Variants in FTCDNL1 observed in about 807,000 individuals in gnomAD.
The protein encoded by FTCDNL1 is formiminotransferase cyclodeaminase N-terminal like.
A neutral mutation model predicts 5.9 loss-of-function variants in FTCDNL1; 11 were observed. The observed-to-expected ratio is 1.87, with a 90% CI of 1.18 to 3.10. FTCDNL1 has a LOEUF of 3.10. Among genes scored for constraint, FTCDNL1 ranks in the 30% most tolerant of loss-of-function variants. The pLI, the probability that FTCDNL1 is intolerant of heterozygous loss-of-function variation, is 0.00. For missense variants in FTCDNL1, 115 were observed against 65.5 expected (o/e 1.76, Z -2.61); for synonymous variants, 58 against 24.8 (o/e 2.34, Z -3.99).
At chr2:199,712,658 G>C in the FTCDNL1 span, among the ~76,000 whole-genome samples, 22 of 152,254 alleles carry the variant, frequency 1.4e-4, no homozygotes, top group African/African-American at 3.4e-4. Context: ...GGGGCAAGAG[G>C]GCCCTGCTCT....
the FTCDNL1 span, among the ~76,000 whole-genome samples, chr2:199,670,138 G>A: frequency 3.3e-3 from 503 of 152,170 alleles, 5 homozygotes; most frequent in African/African-American, 0.011. Context: ...CCTTTTTTGA[G>A]ACATCAATCC....
intron 3 of FTCDNL1, among the ~76,000 whole-genome samples, chr2:199,779,728 G>A (rs553247678): frequency 2.0e-5 from 3 of 152,312 alleles, no homozygotes; most frequent in African/African-American, 7.2e-5. Flanking sequence ...TGTACCCCAG[G>A]TAGGGGCAGG....
chr2:199,769,585 G>A (rs1367985260), intron 3 of FTCDNL1, among the ~76,000 whole-genome samples: 3 of 152,184 alleles, frequency 2.0e-5, no homozygotes. Context: ...ACTAATACAA[G>A]GAGAGGGAAG....
the FTCDNL1 span, among the ~76,000 whole-genome samples, chr2:199,699,209 A>G: frequency 3.9e-5 from 6 of 152,156 alleles, no homozygotes; most frequent in Non-Finnish European, 8.8e-5. Flanking sequence ...GCTCACACCT[A>G]TAATCCCAAA....
the FTCDNL1 span, among the ~76,000 whole-genome samples, chr2:199,710,181 T>A: frequency 3.3e-5 from 5 of 152,202 alleles, no homozygotes; most frequent in Non-Finnish European, 5.9e-5. Context: ...TTTCACAATC[T>A]ACTTAGTGCC....
the FTCDNL1 span, among the ~76,000 whole-genome samples, chr2:199,733,683 T>G: frequency 6.6e-6 from 1 of 152,218 alleles, no homozygotes; most frequent in Non-Finnish European, 1.5e-5. Context: ...AAGTTCTTCC[T>G]GCTCCGTATG....
At chr2:199,765,556 A>ATATATATATATATATTTTTTTTTTT in intron 3 of FTCDNL1, among the ~76,000 whole-genome samples, 2 of 42,654 alleles carry the variant, frequency 4.7e-5, no homozygotes, top group Non-Finnish European at 9.6e-5. Flanking sequence ...ATATATATAT[A>ATATATATATATATATTTTTTTTTTT]TTTTTTTTTT....
At chr2:199,739,399 G>A in the FTCDNL1 span, among the ~76,000 whole-genome samples, 1 of 152,190 alleles carries the variant, frequency 6.6e-6, no homozygotes, top group Non-Finnish European at 1.5e-5. Context: ...GTAAAACTTA[G>A]AGTATATTGG....
the FTCDNL1 span, among the ~76,000 whole-genome samples, chr2:199,733,620 A>G: frequency 6.6e-6 from 1 of 152,208 alleles, no homozygotes. Context: ...ATGGAATTAG[A>G]AACCATCAAT....
At chr2:199,768,179 A>T (rs965334395) in intron 3 of FTCDNL1, among the ~76,000 whole-genome samples, 2 of 152,252 alleles carry the variant, frequency 1.3e-5, no homozygotes, top group African/African-American at 4.8e-5. Flanking sequence ...TACTGATTCC[A>T]AAATATATTC....
At chr2:199,844,281 T>TC in intron 3 of FTCDNL1, 1 of 422,888 alleles carries the variant, frequency 2.4e-6, no homozygotes, top group Non-Finnish European at 4.2e-6. Flanking sequence ...GATCAACTTT[T>TC]CCCGGGGGCT....
the FTCDNL1 span, among the ~76,000 whole-genome samples, chr2:199,738,555 AG>A: frequency 5.3e-5 from 8 of 152,306 alleles, no homozygotes; most frequent in African/African-American, 1.9e-4. Flanking sequence ...GCAAACCTTA[AG>A]GGTCTTTTTC....
intron 3 of FTCDNL1, among the ~76,000 whole-genome samples, chr2:199,773,417 A>G (rs1272239172): frequency 6.6e-6 from 1 of 152,104 alleles, no homozygotes; most frequent in Non-Finnish European, 1.5e-5. Context: ...ATCCAGAAGT[A>G]CTCACAAGTG....
chr2:199,849,035 A>C, intron 1 of FTCDNL1, 66 bp from the exon 2 acceptor site: 7 of 658,836 alleles, frequency 1.1e-5, no homozygotes, highest in Non-Finnish European at 1.6e-5. Context: ...TTTAACTATA[A>C]AAAAATCATA....
chr2:199,671,167 C>CAAAAAA, the FTCDNL1 span, among the ~76,000 whole-genome samples: 1 of 136,158 alleles, frequency 7.3e-6, no homozygotes, highest in African/African-American at 2.9e-5. Flanking sequence ...AAATCCATGG[C>CAAAAAA]AAAAAAAAAA....
At chr2:199,734,001 A>G in the FTCDNL1 span, among the ~76,000 whole-genome samples, 175 of 152,110 alleles carry the variant, frequency 1.2e-3, 1 homozygote, top group African/African-American at 4.1e-3. Flanking sequence ...ATTGGGAAGT[A>G]TGCTTCAAAC....
rs1191103187 is a variant in FTCDNL1, at chr2:199,811,729, C to A, written c.*976G>T. Among the ~76,000 whole-genome samples the A allele has an allele frequency of 6.6e-6, 1 of 152,212 alleles. No homozygotes were observed. The highest frequency in any genetic ancestry group is 1.5e-5 in the Non-Finnish European group (1 of 68,040). On this transcript the variant is annotated 3_prime_UTR_variant, in exon 5 of 5. Transcript: ENST00000420128. ...ATCCCTCACCCAGCAAATTCCAAGACATCCTCTTCCATTGCATGTCTAATA... is the reference window on the plus strand; with the variant it reads ...ATCCCTCACCCAGCAAATTCCAAGAAATCCTCTTCCATTGCATGTCTAATA...
At chr2:199,701,299 TAAAAAAAAAAAAAA>T in the FTCDNL1 span, among the ~76,000 whole-genome samples, 4 of 72,384 alleles carry the variant, frequency 5.5e-5, no homozygotes, top group South Asian at 7.0e-4. Flanking sequence ...CTTGAAAGTT[TAAAAAAAAAAAAAA>T]AAAAAAAAAA....
intron 4 of FTCDNL1, among the ~76,000 whole-genome samples, chr2:199,816,470 G>A (rs997599587): frequency 1.3e-5 from 2 of 152,160 alleles, no homozygotes; most frequent in African/African-American, 4.8e-5. Context: ...CTTCAGGGAA[G>A]ATGATGGAAA....
Sources: allele counts gnomAD v4.1 joint callset (sites outside exome capture counted in the v4.1 genomes callset), GRCh38; gene constraint gnomAD v4.1.1; transcripts MANE v1.5; gene names NCBI Gene and HGNC (gene_info 2026-07-23, HGNC 2026-07-21).